Variants in CEP15 observed in about 807,000 individuals in gnomAD.
CEP15 encodes centrosomal protein 15, also known as centrosomal protein 15 kDa.
At chr3:62,323,731 G>C in the CEP15 span, among the ~76,000 whole-genome samples, 10 of 152,126 alleles carry the variant, frequency 6.6e-5, no homozygotes, top group African/African-American at 2.4e-4. Context: ...TGGTTTCATA[G>C]TTATGAGAAA....
the CEP15 span, among the ~76,000 whole-genome samples, chr3:62,325,897 G>A: frequency 1.3e-5 from 2 of 152,036 alleles, no homozygotes; most frequent in East Asian, 3.9e-4. Flanking sequence ...GGTGGTGCGC[G>A]CCTGTAGTCC....
chr3:62,328,072 G>A, the CEP15 span, among the ~76,000 whole-genome samples: 2 of 152,248 alleles, frequency 1.3e-5, no homozygotes, highest in South Asian at 4.1e-4. Flanking sequence ...ATTGCTCCAA[G>A]AAGCCCTGGT....
chr3:62,320,858 G>T, the CEP15 span, among the ~76,000 whole-genome samples: 147 of 152,216 alleles, frequency 9.7e-4, no homozygotes, highest in Non-Finnish European at 1.2e-3. Context: ...ACAGTCACAG[G>T]TCCTGCATTT....
chr3:62,323,365 C>T, the CEP15 span, among the ~76,000 whole-genome samples: 1 of 152,106 alleles, frequency 6.6e-6, no homozygotes. Flanking sequence ...GCCTGTGTTT[C>T]AATAGGCAGA....
At chr3:62,320,477 T>C in the CEP15 span, 1 of 1,612,200 alleles carries the variant, frequency 6.2e-7, no homozygotes, top group Non-Finnish European at 8.5e-7. Context: ...TAAAGATGAC[T>C]TCCTTGTTTG....
At chr3:62,330,509 G>C in the CEP15 span, among the ~76,000 whole-genome samples, 1 of 152,092 alleles carries the variant, frequency 6.6e-6, no homozygotes, top group Admixed American at 6.6e-5. Flanking sequence ...GCATTTCTGG[G>C]CATTTACTTC....
chr3:62,333,555 T>C, the CEP15 span: 2 of 682,838 alleles, frequency 2.9e-6, no homozygotes, highest in African/African-American at 3.7e-5. This position sits in a 1 kb window ranked among gnomAD's most constrained non-coding sequence, Gnocchi z 4.0. Flanking sequence ...TGTTATCACC[T>C]ACTACTATTT....
At chr3:62,332,791 GAT>G in the CEP15 span, among the ~76,000 whole-genome samples, 8,316 of 152,072 alleles carry the variant, frequency 0.055, 347 homozygotes, top group Non-Finnish European at 0.081. Context: ...TTCAGTTCCT[GAT>G]CTCATCCCAG....
At chr3:62,325,297 A>G in the CEP15 span, among the ~76,000 whole-genome samples, 3 of 152,236 alleles carry the variant, frequency 2.0e-5, no homozygotes, top group Middle Eastern at 3.2e-3. Flanking sequence ...AAAAACAGCT[A>G]TCACAAAATT....
At chr3:62,335,731 A>G in the CEP15 span, 4 of 152,056 alleles carry the variant, frequency 2.6e-5, no homozygotes, top group African/African-American at 9.7e-5. Context: ...AAAACTATGA[A>G]TTTATGGTTT....
At chr3:62,321,188 A>G in the CEP15 span, among the ~76,000 whole-genome samples, 1 of 152,200 alleles carries the variant, frequency 6.6e-6, no homozygotes, top group Non-Finnish European at 1.5e-5. This position sits in a 1 kb window ranked among gnomAD's most constrained non-coding sequence, Gnocchi z 4.1. Context: ...CAACGTATGT[A>G]TCTTTTAATC....
At chr3:62,330,223 G>A in the CEP15 span, among the ~76,000 whole-genome samples, 1 of 151,958 alleles carries the variant, frequency 6.6e-6, no homozygotes, top group African/African-American at 2.4e-5. Context: ...TTCAGCATTG[G>A]CTCCTTCACA....
chr3:62,330,795 T>C, the CEP15 span, among the ~76,000 whole-genome samples: 1 of 152,284 alleles, frequency 6.6e-6, no homozygotes, highest in East Asian at 1.9e-4. Context: ...TCCATAAATA[T>C]ATGTAATATT....
At chr3:62,321,867 G>T in the CEP15 span, 17 of 1,291,320 alleles carry the variant, frequency 1.3e-5, no homozygotes, top group Non-Finnish European at 1.8e-5. The surrounding 1 kb of genome is among the most constrained non-coding windows in gnomAD (Gnocchi z 4.1). Flanking sequence ...TTTTATATTG[G>T]TCAAGCAGTA....
At chr3:62,327,329 G>C in the CEP15 span, among the ~76,000 whole-genome samples, 1 of 152,140 alleles carries the variant, frequency 6.6e-6, no homozygotes, top group African/African-American at 2.4e-5. Context: ...TTTTAATGAG[G>C]CATGTACAAA....
chr3:62,322,128 G>T, the CEP15 span: 1 of 1,455,790 alleles, frequency 6.9e-7, no homozygotes, highest in South Asian at 1.3e-5. This position sits in a 1 kb window ranked among gnomAD's most constrained non-coding sequence, Gnocchi z 5.5. Context: ...TCATAAAATT[G>T]ATTTATATAA....
At chr3:62,333,989 C>T in the CEP15 span, 1 of 152,018 alleles carries the variant, frequency 6.6e-6, no homozygotes, top group Admixed American at 6.6e-5. This position sits in a 1 kb window ranked among gnomAD's most constrained non-coding sequence, Gnocchi z 4.0. Context: ...TTCAGGAAGA[C>T]TCAGACTTGG....
chr3:62,320,451 T>G, the CEP15 span: 1 of 1,607,568 alleles, frequency 6.2e-7, no homozygotes, highest in African/African-American at 1.3e-5. Flanking sequence ...TTTTTATTCT[T>G]TATGACAGCT....
At chr3:62,334,473 G>C in the CEP15 span, 1 of 152,066 alleles carries the variant, frequency 6.6e-6, no homozygotes, top group South Asian at 2.1e-4. This position sits in a 1 kb window ranked among gnomAD's most constrained non-coding sequence, Gnocchi z 4.9. Flanking sequence ...ATATCCTGTT[G>C]AGTGGGTGTT....
Sources: gnomAD v4.1 joint callset for allele counts (sites outside exome capture counted in the v4.1 genomes callset) on GRCh38, gnomAD v4.1.1 for gene constraint, Gnocchi (gnomAD v3.1) non-coding constraint, MANE v1.5 for transcripts, NCBI Gene and HGNC (gene_info 2026-07-23, HGNC 2026-07-21) for gene names.